The following SETD2 variants were observed in gnomAD, a reference collection of about 807,000 sequenced individuals.
The protein encoded by SETD2 is histone-lysine N-methyltransferase SETD2.
Under a neutral mutation model 242.1 loss-of-function variants are expected in SETD2, and 31 were observed. That is an observed-to-expected ratio of 0.13 (90% confidence interval 0.10 to 0.17). The LOEUF is 0.17. Ranked by LOEUF, SETD2 falls within the 10% of genes least tolerant of loss-of-function variation. The pLI, the probability that SETD2 is intolerant of heterozygous loss-of-function variation, is 1.00. For missense variants in SETD2, 2,481 were observed against 3,046.3 expected, an observed-to-expected ratio of 0.81 and a Z score of 4.37; for synonymous variants, 1,006 against 1,066.5, an observed-to-expected ratio of 0.94 and a Z score of 1.11.
At chr3:47,136,141 C>T (rs565555367) in intron 1 of SETD2, among the ~76,000 whole-genome samples, 17 of 152,296 alleles carry the variant, frequency 1.1e-4, no homozygotes, top group Admixed American at 5.9e-4. Context: ...TCCCCCAAGT[C>T]GTTCCTATGA....
At chr3:47,109,715 G>A (rs2042576649) in intron 5 of SETD2, among the ~76,000 whole-genome samples, 1 of 152,082 alleles carries the variant, frequency 6.6e-6, no homozygotes, top group Non-Finnish European at 1.5e-5. Context: ...GCCAGCCACG[G>A]TGGCTTACCC....
chr3:47,064,625 G>C, intron 13 of SETD2: 1 of 420,986 alleles, frequency 2.4e-6, no homozygotes, highest in South Asian at 1.8e-5. Flanking sequence ...TATTCAGGCT[G>C]ATTTCCTAAT....
At chr3:47,138,659 G>A (rs1260446870) in intron 1 of SETD2, among the ~76,000 whole-genome samples, 2 of 151,850 alleles carry the variant, frequency 1.3e-5, no homozygotes, top group Non-Finnish European at 2.9e-5. Context: ...AAACTCTGGT[G>A]ATTCACCCAC....
chr3:47,121,370 C>T lies in SETD2; in HGVS notation c.3266G>A (p.Arg1089Gln), dbSNP rs536163785. Reference sequence around the variant, plus strand: ...ATAGTGTCTATAACTTTGACTGCTCCGAGAAGAACAAGGACTTGTTTCTTC... The same window carrying T: ...ATAGTGTCTATAACTTTGACTGCTCTGAGAAGAACAAGGACTTGTTTCTTC... ...PMEETSPCSS[R>Q]SSQSYRHYSD... The change falls in exon 3 of 21, where the codon CGG (arginine) becomes CAG (glutamine). Residue 1089 changes from arginine (R) to glutamine (Q), a missense_variant. Arg to Gln is a conservative substitution (Grantham distance 43). Coordinates refer to ENST00000409792, the MANE Select transcript of SETD2 (RefSeq NM_014159.7). 1.2e-5 allele frequency: 19 copies of T among 1,609,602 alleles called. No individual in the cohort carries two copies. Among genetic ancestry groups the T allele is most frequent in the Admixed American group, 1.7e-5 (1 of 60,018 alleles).
intron 1 of SETD2, chr3:47,127,594 G>T (rs1157905260): frequency 1.6e-5 from 7 of 450,438 alleles, no homozygotes; most frequent in African/African-American, 1.4e-4. Flanking sequence ...AGGTGCGGTG[G>T]CTCACGCCTG....
chr3:47,081,904 T>C (rs1256359413), intron 12 of SETD2, among the ~76,000 whole-genome samples: 2 of 152,018 alleles, frequency 1.3e-5, no homozygotes, highest in African/African-American at 4.8e-5. Flanking sequence ...TCAGGAAAAA[T>C]CCAAAGTATG....
intron 1 of SETD2, among the ~76,000 whole-genome samples, chr3:47,161,887 G>T (rs1354532578): frequency 6.6e-6 from 1 of 150,858 alleles, no homozygotes; most frequent in African/African-American, 2.4e-5. Flanking sequence ...CTCCAGCCTG[G>T]GTGACAGAGT....
chr3:47,150,927 A>AG (rs2106823764), intron 1 of SETD2, among the ~76,000 whole-genome samples: 1 of 152,004 alleles, frequency 6.6e-6, no homozygotes, highest in East Asian at 1.9e-4. Flanking sequence ...CTTTAAAAAA[A>AG]AAAAAAAAGA....
intron 12 of SETD2, among the ~76,000 whole-genome samples, chr3:47,074,143 AAAAT>A (rs540808791): frequency 8.3e-4 from 127 of 152,364 alleles, no homozygotes; most frequent in African/African-American, 2.9e-3. Flanking sequence ...GCAGTTCTGA[AAAAT>A]AAATTCTTTA....
chr3:47,054,885 A>C (rs1431901410), intron 15 of SETD2, among the ~76,000 whole-genome samples: 1 of 152,238 alleles, frequency 6.6e-6, no homozygotes, highest in Non-Finnish European at 1.5e-5. Context: ...ATATGTACAC[A>C]CACACATATA....
chr3:47,052,156 C>T (rs756770313), intron 15 of SETD2, among the ~76,000 whole-genome samples: 6 of 152,022 alleles, frequency 3.9e-5, no homozygotes, highest in African/African-American at 9.7e-5. Context: ...AAAACCTATA[C>T]GAGATTTTTG....
chr3:47,149,189 C>T (rs2043928362), intron 1 of SETD2, among the ~76,000 whole-genome samples: 1 of 152,084 alleles, frequency 6.6e-6, no homozygotes, highest in African/African-American at 2.4e-5. Flanking sequence ...AATGTTATTC[C>T]TTAACATCAT....
At chr3:47,081,878 C>G (rs750922700) in intron 12 of SETD2, among the ~76,000 whole-genome samples, 6 of 152,074 alleles carry the variant, frequency 3.9e-5, no homozygotes, top group Non-Finnish European at 7.4e-5. Context: ...CTTAACGGCT[C>G]CCTTGACACT....
chr3:47,101,633 T>TGTGTGTGTGTGTGTGTGTGC, intron 7 of SETD2, 78 bp from the exon 8 acceptor site: 1 of 670,312 alleles, frequency 1.5e-6, no homozygotes, highest in Non-Finnish European at 2.5e-6. Flanking sequence ...TGTGTGTGTG[T>TGTGTGTGTGTGTGTGTGTGC]GCGCATATAT....
Position 47,017,799 on chromosome 3 carries a change from C to A in SETD2, c.7432-60G>T. Reference sequence around the variant, plus strand: ...AGTCCAGAGAGGGCAAGGAGTTGTACTGAGGAAATAACTAGAAAAGGTAGT... The same window carrying A: ...AGTCCAGAGAGGGCAAGGAGTTGTAATGAGGAAATAACTAGAAAAGGTAGT... On this transcript the variant is annotated intron_variant, in intron 19 of 20. Coordinates refer to ENST00000409792, the MANE Select transcript of SETD2 (RefSeq NM_014159.7). This position sits in a 1 kb window ranked among gnomAD's most constrained non-coding sequence, Gnocchi z 4.8. 1 of 1,168,858 alleles carries A rather than the reference C, an allele frequency of 8.6e-7. No individual in the cohort carries two copies. 72.4% of individuals were successfully genotyped at this position (1,168,858 alleles called of 1,614,324 possible).
chr3:47,039,667 A>C lies in SETD2; in HGVS notation c.7239-1890T>G, dbSNP rs1575672286. On this transcript the variant is annotated intron_variant, in intron 17 of 20. Transcript: ENST00000409792. ...GATCACCTGAGGTCAGGAGTTTGAGACCAGCCTGGCCAACACGGTTAAACC... is the reference window on the plus strand; with the variant it reads ...GATCACCTGAGGTCAGGAGTTTGAGCCCAGCCTGGCCAACACGGTTAAACC... 2.7e-5 allele frequency among the ~76,000 whole-genome samples: 4 copies of C among 147,622 alleles called. No homozygotes were observed. The East Asian group carries it at 8.4e-4, about 31-fold the overall frequency.
At chr3:47,044,292 G>A (rs142468790) in intron 16 of SETD2, among the ~76,000 whole-genome samples, 4 of 134,024 alleles carry the variant, frequency 3.0e-5, no homozygotes, top group East Asian at 4.7e-4. Flanking sequence ...GCAGTGAGCC[G>A]CGAGATCAAA....
intron 18 of SETD2, among the ~76,000 whole-genome samples, chr3:47,035,984 G>C (rs2038977268): frequency 6.6e-6 from 1 of 152,204 alleles, no homozygotes; most frequent in East Asian, 1.9e-4. Flanking sequence ...TTGAAATTTA[G>C]CAAACTCCAC....
chr3:47,084,638 C>A (rs2041470721), intron 11 of SETD2, among the ~76,000 whole-genome samples: 1 of 152,046 alleles, frequency 6.6e-6, no homozygotes. Flanking sequence ...GTTGGCCAGG[C>A]TGGTCTCAAA....
Sources: allele counts gnomAD v4.1 joint callset (sites outside exome capture counted in the v4.1 genomes callset), GRCh38; gene constraint gnomAD v4.1.1; non-coding constraint Gnocchi (gnomAD v3.1); transcripts MANE v1.5; gene names NCBI Gene and HGNC (gene_info 2026-07-23, HGNC 2026-07-21).